The following ATRN variants were observed in gnomAD, a reference collection of about 807,000 sequenced individuals.
ATRN encodes the protein attractin.
ATRN carries 54 observed loss-of-function variants against 178.7 expected under a neutral mutation model. The observed-to-expected ratio is 0.30, with a 90% CI of 0.24 to 0.38. The LOEUF is 0.38. Ranked by LOEUF, ATRN falls within the 10% of genes least tolerant of loss-of-function variation. ATRN has a pLI of 1.00. For synonymous variants in ATRN, 636 were observed against 663.0 expected, an observed-to-expected ratio of 0.96 and a Z score of 0.63; for missense variants, 1,443 against 1,815.1, an observed-to-expected ratio of 0.79 and a Z score of 3.73.
chr20:3,637,384 A>G lies in ATRN; in HGVS notation c.3943-1444A>G, dbSNP rs1351463744. On this transcript the variant is annotated intron_variant, in intron 26 of 28. Coordinates refer to ENST00000262919, the MANE Select transcript of ATRN (RefSeq NM_139321.3). ...CTGAACCCTGTCTTATTGTGACCCCAGCACTTAAGCACAGACCCCAAGGAG... is the reference window on the plus strand; with the variant it reads ...CTGAACCCTGTCTTATTGTGACCCCGGCACTTAAGCACAGACCCCAAGGAG... Among the ~76,000 whole-genome samples the G allele has an allele frequency of 5.9e-5, 9 of 152,200 alleles. No homozygotes were observed. The East Asian group carries it at 1.7e-3, about 29-fold the overall frequency.
rs2085635598 is a variant in ATRN, at chr20:3,542,427, G to C, written c.608+2092G>C. Among the ~76,000 whole-genome samples, 3 of 151,968 alleles carry C rather than the reference G, an allele frequency of 2.0e-5. No homozygotes were observed. In the South Asian group the frequency reaches 6.2e-4, roughly 32 times the overall value. On this transcript the variant is annotated intron_variant, in intron 3 of 28. Coordinates refer to ENST00000262919, the MANE Select transcript of ATRN (RefSeq NM_139321.3). ...ACAGTGGTAGCGGTGGTAGAGCAGA[G>C]AGAGTGGTTGAGAAAATTCTTCAAA...
chr20:3,526,112 C>T (rs2146160434), intron 1 of ATRN, among the ~76,000 whole-genome samples: 1 of 152,296 alleles, frequency 6.6e-6, no homozygotes, highest in Non-Finnish European at 1.5e-5. Context: ...GTCAAATTAT[C>T]TCTGTTTGCA....
At chr20:3,543,972 T>C (rs1332025320) in intron 3 of ATRN, among the ~76,000 whole-genome samples, 1 of 152,186 alleles carries the variant, frequency 6.6e-6, no homozygotes, top group Non-Finnish European at 1.5e-5. Context: ...AGGTCAAGAC[T>C]GCAGTGAGCT....
intron 11 of ATRN, among the ~76,000 whole-genome samples, chr20:3,567,676 A>G (rs1448407079): frequency 6.6e-6 from 1 of 152,188 alleles, no homozygotes; most frequent in East Asian, 1.9e-4. Context: ...TCATGCTTTA[A>G]GTGGATCAAC....
At chr20:3,560,987 G>A (rs1209257903) in intron 8 of ATRN, 82 bp downstream of exon 8, 6 of 1,481,466 alleles carry the variant, frequency 4.1e-6, no homozygotes, top group East Asian at 2.3e-5. Context: ...GTTTAGAAAA[G>A]TTCAACCTAA....
chr20:3,519,767 A>C (rs182774884), intron 1 of ATRN, among the ~76,000 whole-genome samples: 1 of 152,318 alleles, frequency 6.6e-6, no homozygotes, highest in Admixed American at 6.5e-5. Context: ...AAGGAAACGG[A>C]TGGATGTGGC....
intron 1 of ATRN, among the ~76,000 whole-genome samples, chr20:3,527,282 T>C (rs948401397): frequency 6.6e-6 from 1 of 152,078 alleles, no homozygotes; most frequent in African/African-American, 2.4e-5. Flanking sequence ...AACAGACACT[T>C]CTCAAAAGAA....
intron 23 of ATRN, 119 bp downstream of exon 23, chr20:3,601,143 T>G: frequency 1.3e-6 from 1 of 769,504 alleles, no homozygotes; most frequent in South Asian, 1.7e-5. Context: ...CCCTTGCCAC[T>G]TACTAGCTAT....
At chr20:3,619,225 G>A (rs2086877417) in intron 24 of ATRN, among the ~76,000 whole-genome samples, 1 of 152,220 alleles carries the variant, frequency 6.6e-6, no homozygotes, top group Non-Finnish European at 1.5e-5. Flanking sequence ...CATGATAATG[G>A]ATAGATAGAC....
Position 3,563,297 on chromosome 20 carries a change from C to G in ATRN, c.1720C>G (p.His574Asp). ...GTMLVFGGNT[H>D]NDTSMSHGAK... ...CATGCTGGTGTTTGGAGGAAACACA[C>G]ACAATGACACATCTATGAGCCATGG... Residue 574 changes from histidine (H) to aspartate (D), a missense_variant, in exon 10 of 29, where the codon CAC (histidine) becomes GAC (aspartate). Physicochemically the swap from His to Asp is moderately conservative, Grantham distance 81. Transcript: ENST00000262919. 6.2e-7 allele frequency: 1 copy of G among 1,614,124 alleles called. No individual in the cohort carries two copies. Among genetic ancestry groups the G allele is most frequent in the Non-Finnish European group, 8.5e-7 (1 of 1,179,994 alleles).
At chr20:3,474,984 AT>A (rs1014365003) in intron 1 of ATRN, among the ~76,000 whole-genome samples, 26 of 144,216 alleles carry the variant, frequency 1.8e-4, no homozygotes, top group Admixed American at 7.8e-4. Flanking sequence ...GAGAGCCGAG[AT>A]TGCGCCATTG....
intron 24 of ATRN, among the ~76,000 whole-genome samples, chr20:3,620,365 G>GC (rs977704936): frequency 1.6e-4 from 24 of 152,088 alleles, no homozygotes; most frequent in African/African-American, 5.8e-4. Context: ...TTGTGCCTCA[G>GC]CCCCCCAAGT....
At chr20:3,525,870 T>C (rs890887804) in intron 1 of ATRN, among the ~76,000 whole-genome samples, 21 of 152,190 alleles carry the variant, frequency 1.4e-4, no homozygotes, top group African/African-American at 4.3e-4. Context: ...CTAAAAACTC[T>C]AAATAAACTA....
chr20:3,516,894 C>T (rs2085212835), intron 1 of ATRN, among the ~76,000 whole-genome samples: 1 of 151,868 alleles, frequency 6.6e-6, no homozygotes, highest in Non-Finnish European at 1.5e-5. Flanking sequence ...CATTGATGGG[C>T]ATTTGGGTTG....
intron 11 of ATRN, among the ~76,000 whole-genome samples, chr20:3,571,778 G>T (rs2086128943): frequency 6.6e-6 from 1 of 151,600 alleles, no homozygotes; most frequent in Non-Finnish European, 1.5e-5. Context: ...CATATCATTT[G>T]TTTTTTTACT....
intron 25 of ATRN, among the ~76,000 whole-genome samples, chr20:3,631,085 G>A (rs2086986803): frequency 1.3e-5 from 2 of 151,018 alleles, no homozygotes; most frequent in Admixed American, 1.3e-4. Context: ...AGTAGAGCTG[G>A]GACTGCAGGC....
Position 3,599,307 on chromosome 20 carries a change from A to G in ATRN, c.3564+1307A>G, listed in dbSNP as rs568689372. Among the ~76,000 whole-genome samples, 4 of 152,328 alleles carry G rather than the reference A, an allele frequency of 2.6e-5. No individual in the cohort carries two copies. In the South Asian group the frequency reaches 8.3e-4, roughly 32 times the overall value. ...GCGTTTGAAGTGCTCAAAATCTTTC[A>G]GGATATACTTCATGCCATTAATGTC... On this transcript the variant is annotated intron_variant, in intron 22 of 28. Transcript: ENST00000262919.
At chr20:3,561,711 A>G (rs1714390463) in intron 8 of ATRN, among the ~76,000 whole-genome samples, 1 of 152,212 alleles carries the variant, frequency 6.6e-6, no homozygotes, top group Non-Finnish European at 1.5e-5. Flanking sequence ...GTTGTAGGGA[A>G]TTAAATGTTC....
chr20:3,583,244 T>C (rs1408225787), intron 16 of ATRN, among the ~76,000 whole-genome samples: 5 of 152,206 alleles, frequency 3.3e-5, no homozygotes, highest in Non-Finnish European at 5.9e-5. Context: ...CCCTCCAAAA[T>C]TGCAAACATG....
Sources: gnomAD v4.1 joint callset for allele counts (sites outside exome capture counted in the v4.1 genomes callset) on GRCh38, gnomAD v4.1.1 for gene constraint, MANE v1.5 for transcripts, NCBI Gene and HGNC (gene_info 2026-07-23, HGNC 2026-07-21) for gene names.